ZMIZ1: variants seen among roughly 807,000 people sequenced by gnomAD.
ZMIZ1 encodes zinc finger MIZ domain-containing protein 1.
A neutral mutation model predicts 113.9 loss-of-function variants in ZMIZ1; 17 were observed. That is an observed-to-expected ratio of 0.15 (90% CI 0.10 to 0.22). The LOEUF (loss-of-function observed/expected upper bound fraction) is 0.22, where lower values mean the gene tolerates loss of function less well. Ranked by LOEUF, ZMIZ1 falls within the 10% of genes least tolerant of loss-of-function variation. The pLI, the probability that ZMIZ1 is intolerant of heterozygous loss-of-function variation, is 1.00. For synonymous variants in ZMIZ1, 607 were observed against 603.1 expected (o/e 1.01, Z -0.09); for missense variants, 1,059 against 1,477.8 (o/e 0.72, Z 4.65).
intron 3 of ZMIZ1, among the ~76,000 whole-genome samples, chr10:79,159,197 C>G (rs1846012952): frequency 1.3e-5 from 2 of 152,216 alleles, no homozygotes; most frequent in South Asian, 4.1e-4. Flanking sequence ...CCCTCCAGCC[C>G]CTCGTGGTTT....
chr10:79,070,247 A>T (rs1418669922), intron 1 of ZMIZ1, among the ~76,000 whole-genome samples: 1 of 151,842 alleles, frequency 6.6e-6, no homozygotes, highest in East Asian at 2.0e-4. Flanking sequence ...GGGCGCGGGC[A>T]GCGGGCGCGC....
In ZMIZ1 at chr10:79,291,111, G is replaced by A. The variant is rs779494498; in HGVS notation, c.693G>A (p.Gln231=). Residue 231 remains glutamine (Q), a synonymous_variant, in exon 10 of 25, where the codon CAG becomes CAA. Coordinates refer to ENST00000334512, the MANE Select transcript of ZMIZ1 (RefSeq NM_020338.4). ...TCTCAGCCAAGGCTGGCCCCGCTCA[G>A]CCCTACATCCAGCAGAGCATGTATG... ...QQFSAKAGPA[Q]PYIQQSMYGR... is the part of the protein sequence containing the mutation. The A allele has an allele frequency of 1.2e-6, 2 of 1,614,202 alleles. No individual in the cohort carries two copies. The highest frequency in any genetic ancestry group is 1.7e-5 in the Admixed American group (1 of 60,032).
intron 2 of ZMIZ1, among the ~76,000 whole-genome samples, chr10:79,134,990 G>C (rs1055168539): frequency 1.3e-5 from 2 of 152,080 alleles, no homozygotes; most frequent in Admixed American, 1.3e-4. Flanking sequence ...AGCTAATTTT[G>C]TATTTTTAAT....
At chr10:79,286,527 G>A (rs567259445) in intron 8 of ZMIZ1, among the ~76,000 whole-genome samples, 6 of 152,376 alleles carry the variant, frequency 3.9e-5, no homozygotes, top group South Asian at 4.1e-4. Flanking sequence ...CGCTGTGCCT[G>A]TCTCTTCCCC....
chr10:79,088,526 G>A (rs181221659), intron 1 of ZMIZ1, among the ~76,000 whole-genome samples: 28 of 152,280 alleles, frequency 1.8e-4, no homozygotes, highest in Admixed American at 1.6e-3. Context: ...GCATTTTGTC[G>A]AGCCGGGAGT....
At chr10:79,073,935 C>T (rs1444127328) in intron 1 of ZMIZ1, among the ~76,000 whole-genome samples, 2 of 152,178 alleles carry the variant, frequency 1.3e-5, no homozygotes, top group African/African-American at 4.8e-5. Context: ...AAGACAGTTC[C>T]TGTTCCTCAG....
chr10:79,243,400 C>T (rs142423981), intron 7 of ZMIZ1, among the ~76,000 whole-genome samples: 2,736 of 149,634 alleles, frequency 0.018, 82 homozygotes, highest in African/African-American at 0.063. Flanking sequence ...TGATTGGCTT[C>T]GCCCGGGAAG....
At chr10:79,268,964 C>T (rs577354355) in intron 7 of ZMIZ1, among the ~76,000 whole-genome samples, 34 of 152,146 alleles carry the variant, frequency 2.2e-4, no homozygotes, top group Non-Finnish European at 4.7e-4. Flanking sequence ...CTGCAAAGAT[C>T]ATCAGGATGT....
intron 7 of ZMIZ1, among the ~76,000 whole-genome samples, chr10:79,266,615 G>A (rs772644301): frequency 2.6e-5 from 4 of 152,144 alleles, no homozygotes; most frequent in African/African-American, 9.7e-5. Flanking sequence ...CTGATGGTGC[G>A]GTGGTCTCGC....
At chr10:79,196,085 C>T (rs986390192) in intron 4 of ZMIZ1, among the ~76,000 whole-genome samples, 4 of 152,198 alleles carry the variant, frequency 2.6e-5, no homozygotes, top group Non-Finnish European at 4.4e-5. Flanking sequence ...GACCCTTTTA[C>T]TCCAGAGACT....
intron 1 of ZMIZ1, among the ~76,000 whole-genome samples, chr10:79,079,181 A>C (rs1268388121): frequency 2.6e-5 from 4 of 152,236 alleles, no homozygotes; most frequent in Non-Finnish European, 5.9e-5. Flanking sequence ...TCCCAAGAGC[A>C]AGGCCAACTG....
At chr10:79,225,114 G>A (rs1849150370) in intron 7 of ZMIZ1, among the ~76,000 whole-genome samples, 1 of 152,276 alleles carries the variant, frequency 6.6e-6, no homozygotes, top group East Asian at 1.9e-4. Flanking sequence ...AAAACGCCCA[G>A]GCAGAGTCCC....
intron 2 of ZMIZ1, among the ~76,000 whole-genome samples, chr10:79,132,405 A>C (rs1185086649): frequency 6.6e-6 from 1 of 152,042 alleles, no homozygotes; most frequent in African/African-American, 2.4e-5. Context: ...AGGTGTCTCC[A>C]CTCAGCTGCT....
chr10:79,152,811 C>T (rs1017197186), intron 3 of ZMIZ1, among the ~76,000 whole-genome samples: 3 of 152,256 alleles, frequency 2.0e-5, no homozygotes, highest in Non-Finnish European at 2.9e-5. Flanking sequence ...CCAGTGTCAG[C>T]CACCATGTTC....
rs942101023 is a variant in ZMIZ1 at position 79,089,988 on chromosome 10, C to T, written c.-337+20718C>T. ...ACTTGTCACTTTGTAAATCATTATG[C>T]AGGATTAAGCCTTTTACCAGCTTTT... On this transcript the variant is annotated intron_variant, in intron 1 of 24. Transcript: ENST00000334512. Among the ~76,000 whole-genome samples the T allele has an allele frequency of 5.9e-5, 9 of 152,322 alleles. No homozygotes were observed. In the East Asian group the frequency reaches 1.7e-3, roughly 29 times the overall value.
intron 2 of ZMIZ1, among the ~76,000 whole-genome samples, chr10:79,119,765 T>C (rs1478112457): frequency 6.6e-6 from 1 of 152,114 alleles, no homozygotes; most frequent in African/African-American, 2.4e-5. Flanking sequence ...TGTGATGTGA[T>C]GTGGCAGGGA....
intron 4 of ZMIZ1, among the ~76,000 whole-genome samples, chr10:79,190,596 G>A (rs887223486): frequency 7.9e-5 from 12 of 152,106 alleles, no homozygotes; most frequent in African/African-American, 2.7e-4. Context: ...TATACTAACA[G>A]TGAAGAGCAG....
chr10:79,165,594 CA>C (rs1372510355), intron 4 of ZMIZ1, among the ~76,000 whole-genome samples: 2 of 151,926 alleles, frequency 1.3e-5, no homozygotes, highest in Admixed American at 6.6e-5. Flanking sequence ...TCAGGACCTC[CA>C]GGTGCACACT....
chr10:79,281,209 A>T (rs1852720987), intron 8 of ZMIZ1, among the ~76,000 whole-genome samples: 1 of 152,182 alleles, frequency 6.6e-6, no homozygotes, highest in Non-Finnish European at 1.5e-5. Flanking sequence ...CCGGGGTTAA[A>T]CAGAGATGAG....
Sources: gnomAD v4.1 joint callset for allele counts (sites outside exome capture counted in the v4.1 genomes callset) on GRCh38, gnomAD v4.1.1 for gene constraint, MANE v1.5 for transcripts, NCBI Gene and HGNC (gene_info 2026-07-23, HGNC 2026-07-21) for gene names.